The following PPIP5K2 variants were observed in gnomAD, a reference collection of about 807,000 sequenced individuals.
The protein encoded by PPIP5K2 is inositol hexakisphosphate and diphosphoinositol-pentakisphosphate kinase 2.
PPIP5K2 carries 105 observed loss-of-function variants against 154.6 expected under a neutral mutation model. The observed-to-expected ratio is 0.68, with a 90% CI of 0.58 to 0.80. The LOEUF (loss-of-function observed/expected upper bound fraction) is 0.80, where lower values mean the gene tolerates loss of function less well. Among genes scored for constraint, PPIP5K2 ranks in the 30% least tolerant of loss-of-function variants. PPIP5K2 has a pLI of 0.00. For synonymous variants in PPIP5K2, 480 were observed against 490.3 expected (o/e 0.98, Z 0.28); for missense variants, 992 against 1,504.6 (o/e 0.66, Z 5.64).
chr5:103,143,405 C>T (rs1228337984), intron 5 of PPIP5K2, among the ~76,000 whole-genome samples: 1 of 152,154 alleles, frequency 6.6e-6, no homozygotes, highest in East Asian at 1.9e-4. Flanking sequence ...AGGCTGGTTT[C>T]AAAACTCCTT....
chr5:103,133,552 T>C lies in PPIP5K2; in HGVS notation c.214T>C (p.Tyr72His), dbSNP rs782346221. 3.7e-6 allele frequency: 6 copies of C among 1,612,678 alleles called. No individual in the cohort carries two copies. Among genetic ancestry groups the C allele is most frequent in the Non-Finnish European group, 5.1e-6 (6 of 1,179,540 alleles). The change falls in exon 3 of 31, where the codon TAT becomes CAT. Residue 72 changes from tyrosine to histidine, a missense_variant. Physicochemically the swap from Tyr to His is moderately conservative, Grantham distance 83 (BLOSUM62 2). Around this residue, in one of 9 missense-constraint regions of PPIP5K2, gnomAD observed 153 missense variants for 200.4 expected, o/e 0.76. Transcript: ENST00000358359. Reference sequence around the variant, plus strand: ...TCTTGAACGGATCTCCTTATTTAAATATATCACAGTAGTAGTATTTGAAGA... The same window carrying C: ...TCTTGAACGGATCTCCTTATTTAAACATATCACAGTAGTAGTATTTGAAGA... ...EILERISLFK[Y>H]ITVVVFEEEV...
In PPIP5K2 at chr5:103,122,429, T is replaced by C. The variant is rs80044987; in HGVS notation, c.-285+1941T>C. On this transcript the variant is annotated intron_variant, in intron 1 of 30. Transcript: ENST00000358359. ...AGGAACTTTCAAGGAGAGCAGTGAA[T>C]TCCAGGCAGAAGGAAATGCAGGTTC... Among the ~76,000 whole-genome samples the C allele has an allele frequency of 6.8e-3, 1,029 of 152,274 alleles. 7 individuals carry two copies. The highest frequency in any genetic ancestry group is 0.013 in the Non-Finnish European group (856 of 68,016).
Position 103,159,259 on chromosome 5 carries a change from A to G in PPIP5K2, c.1851A>G (p.Gln617=). 6.2e-6 allele frequency: 10 copies of G among 1,613,636 alleles called. No homozygotes were observed. The highest frequency in any genetic ancestry group is 2.2e-5 in the South Asian group (2 of 91,012). Reference sequence around the variant, plus strand: ...GTGACTCTCTGAGCAGTTGTCAGCAACGTGTGAAGGCAAGGCTTCATGAAA... The same window carrying G: ...GTGACTCTCTGAGCAGTTGTCAGCAGCGTGTGAAGGCAAGGCTTCATGAAA... ...SDSDSLSSCQ[Q]RVKARLHEIL... Residue 617 remains glutamine, a synonymous_variant, in exon 17 of 31, where the codon CAA becomes CAG. Coordinates refer to ENST00000358359, the MANE Select transcript of PPIP5K2 (RefSeq NM_001276277.3).
In PPIP5K2 at chr5:103,195,120, C is replaced by A. The variant is rs1801874128; in HGVS notation, c.3619+95C>A. ...TGTCAAATTTGTTTTTAATTAGTATCTTTGCACTTCCCTAGAGCGTAATGA... is the reference window on the plus strand; with the variant it reads ...TGTCAAATTTGTTTTTAATTAGTATATTTGCACTTCCCTAGAGCGTAATGA... On this transcript the variant is annotated intron_variant, in intron 30 of 30. Transcript: ENST00000358359. 2.8e-6 allele frequency: 4 copies of A among 1,446,546 alleles called. No homozygotes were observed. In the South Asian group the frequency reaches 5.3e-5, roughly 19 times the overall value. The allele number at this position is 1,446,546 out of a possible 1,614,324, so 89.6% of individuals were successfully genotyped here.
At chr5:103,136,449 C>G (rs1384794144) in intron 3 of PPIP5K2, among the ~76,000 whole-genome samples, 1 of 152,136 alleles carries the variant, frequency 6.6e-6, no homozygotes, top group Admixed American at 6.5e-5. Context: ...GTGAATCTTA[C>G]CTTATTTCAG....
Position 103,155,798 on chromosome 5 carries a change from A to G in PPIP5K2, c.1404-111A>G, listed in dbSNP as rs34768. 0.27 allele frequency: 203,720 copies of G among 745,772 alleles called. 30,396 individuals are homozygous for G. Among genetic ancestry groups the G allele is most frequent in the East Asian group, 0.45 (16,650 of 36,826 alleles). The allele number at this position is 745,772 out of a possible 1,614,324, so 46.2% of individuals were successfully genotyped here. ...TTATATATGGTACAATTTTTTTTTG[A>G]TAGAATATTTCGAAGAATTAAACAG... On this transcript the variant is annotated intron_variant, in intron 13 of 30. Coordinates refer to ENST00000358359, the MANE Select transcript of PPIP5K2 (RefSeq NM_001276277.3).
intron 5 of PPIP5K2, among the ~76,000 whole-genome samples, chr5:103,139,582 A>G (rs1295310718): frequency 2.0e-5 from 3 of 152,212 alleles, no homozygotes; most frequent in African/African-American, 7.2e-5. Flanking sequence ...CAAACGGTGA[A>G]GACTGAAATA....
Position 103,185,930 on chromosome 5 carries a change from G to GT in PPIP5K2, c.3170-377dup, listed in dbSNP as rs557317432. 3.2e-3 allele frequency among the ~76,000 whole-genome samples: 451 copies of GT among 140,548 alleles called. 1 individual carries two copies. The highest frequency in any genetic ancestry group is 0.015 in the Middle Eastern group (4 of 268). 92.2% of individuals were successfully genotyped at this position (140,548 alleles called of 152,430 possible). On this transcript the variant is annotated intron_variant, in intron 26 of 30. Coordinates refer to ENST00000358359, the MANE Select transcript of PPIP5K2 (RefSeq NM_001276277.3). ...TGACTTAATTTGTGCTAGAAGGAGTGTTTTTTTTTTTTTCTTTAAATATGG... is the reference window on the plus strand; with the variant it reads ...TGACTTAATTTGTGCTAGAAGGAGTGTTTTTTTTTTTTTTCTTTAAATATGG...
intron 5 of PPIP5K2, among the ~76,000 whole-genome samples, chr5:103,138,889 C>T (rs182184681): frequency 2.0e-5 from 3 of 152,316 alleles, no homozygotes; most frequent in Admixed American, 2.0e-4. Context: ...TGTGTTTGAA[C>T]TGTGCTGGTC....
In PPIP5K2 at chr5:103,120,440, G is replaced by C. The variant is rs1174552926; in HGVS notation, c.-333G>C. On this transcript the variant is annotated 5_prime_UTR_variant, in exon 1 of 31. It removes an upstream start codon present in the reference 5' UTR. Coordinates refer to ENST00000358359, the MANE Select transcript of PPIP5K2 (RefSeq NM_001276277.3). ...GAAAGGGGGTAACCTAGACCTGAAT[G>C]GGCTTGACCATCTCACAACTGCTCG... The C allele has an allele frequency of 2.2e-6, 1 of 456,636 alleles. No individual in the cohort carries two copies. The highest frequency in any genetic ancestry group is 2.3e-5 in the Admixed American group (1 of 42,558). 28.3% of individuals were successfully genotyped at this position (456,636 alleles called of 1,614,324 possible). A position where few individuals can be genotyped will look rare whatever the true frequency, so the allele number is the denominator to read the frequency against.
At chr5:103,162,819 G>C (rs782416257) in intron 17 of PPIP5K2, among the ~76,000 whole-genome samples, 1 of 151,842 alleles carries the variant, frequency 6.6e-6, no homozygotes, top group Non-Finnish European at 1.5e-5. Flanking sequence ...TTACTGTTTT[G>C]CTCTTCACAT....
intron 21 of PPIP5K2, among the ~76,000 whole-genome samples, chr5:103,174,963 A>G (rs1554220538): frequency 1.3e-5 from 2 of 152,114 alleles, no homozygotes; most frequent in Non-Finnish European, 2.9e-5. Context: ...CCCTCCACTC[A>G]GTGCCATGCT....
chr5:103,187,917 G>C (rs561001455), intron 28 of PPIP5K2, among the ~76,000 whole-genome samples: 28 of 152,096 alleles, frequency 1.8e-4, no homozygotes, highest in African/African-American at 6.0e-4. Flanking sequence ...AACCCTGTTC[G>C]GTCTGGAGCA....
At chr5:103,168,358 G>C in intron 19 of PPIP5K2, 63 bp downstream of exon 19, 1 of 1,315,084 alleles carries the variant, frequency 7.6e-7, no homozygotes, top group East Asian at 2.4e-5. Flanking sequence ...AATGTCTGTT[G>C]GTGGATAAAA....
rs781952635 is a variant in PPIP5K2 at position 103,183,176 on chromosome 5, CTTTTTTTTTTTTTTTTTTTTTT to C, written c.2923-42_2923-21del. ...GTTGTATCTAACTTTGCATGCTCTG[CTTTTTTTTTTTTTTTTTTTTTT>C]TTTTTTTTTTTTTTTGCCCCCTTTC... On this transcript the variant is annotated intron_variant, in intron 24 of 30. Transcript: ENST00000358359. 6.4e-4 allele frequency: 346 copies of C among 539,092 alleles called. 1 individual carries two copies. Among genetic ancestry groups the C allele is most frequent in the South Asian group, 3.2e-3 (68 of 20,978 alleles). 33.4% of individuals were successfully genotyped at this position (539,092 alleles called of 1,614,324 possible).
chr5:103,178,475 C>T (rs1392543049), intron 23 of PPIP5K2, among the ~76,000 whole-genome samples: 2 of 151,860 alleles, frequency 1.3e-5, no homozygotes, highest in African/African-American at 4.8e-5. Context: ...ACCAGTACCA[C>T]AGTCTTAATT....
intron 29 of PPIP5K2, among the ~76,000 whole-genome samples, chr5:103,191,263 A>T (rs1562503227): frequency 6.6e-6 from 1 of 152,006 alleles, no homozygotes; most frequent in East Asian, 1.9e-4. Context: ...CTTTTGTTAA[A>T]ACTATGTTTG....
chr5:103,201,056 A>T (rs1275889611), intron 30 of PPIP5K2, among the ~76,000 whole-genome samples: 1 of 152,232 alleles, frequency 6.6e-6, no homozygotes, highest in East Asian at 1.9e-4. Context: ...GAGGGATAAG[A>T]TAGAAGATAC....
At chr5:103,191,761 T>A (rs1554227020) in intron 29 of PPIP5K2, among the ~76,000 whole-genome samples, 1 of 152,128 alleles carries the variant, frequency 6.6e-6, no homozygotes, top group African/African-American at 2.4e-5. Flanking sequence ...GTTGTCGTTT[T>A]CAGCTCTATA....
Sources: gnomAD v4.1 joint callset for allele counts (sites outside exome capture counted in the v4.1 genomes callset) on GRCh38, gnomAD v4.1.1 for gene constraint, gnomAD v4.1.1 regional missense constraint, MANE v1.5 for transcripts, NCBI Gene and HGNC (gene_info 2026-07-23, HGNC 2026-07-21) for gene names.